Variants in TACC3 observed in about 807,000 individuals in gnomAD.
TACC3 encodes the protein transforming acidic coiled-coil-containing protein 3.
Under a neutral mutation model 86.0 loss-of-function variants are expected in TACC3, and 52 were observed. That is an observed-to-expected ratio of 0.60 (90% confidence interval 0.48 to 0.76). The LOEUF is 0.76. Among genes scored for constraint, TACC3 ranks in the 30% least tolerant of loss-of-function variants. TACC3 has a pLI of 0.00. For synonymous variants in TACC3, 512 were observed against 430.0 expected, an observed-to-expected ratio of 1.19 and a Z score of -2.36; for missense variants, 1,120 against 1,070.4, an observed-to-expected ratio of 1.05 and a Z score of -0.65.
rs538090623 is a variant in TACC3 at position 1,744,935 on chromosome 4, C to G, written c.2452-13C>G. On this transcript the variant is annotated splice_polypyrimidine_tract_variant and intron_variant, in intron 15 of 15. Coordinates refer to ENST00000313288, the MANE Select transcript of TACC3 (RefSeq NM_006342.3). The stretch of plus-strand genomic sequence containing the variant: ...AGCAGGGAGAAGCCCCGCAACTCAT[C>G]TTCCTCCTCCAGACTAAAGAGAACG... 6.2e-7 allele frequency: 1 copy of G among 1,611,978 alleles called. No homozygotes were observed. Among genetic ancestry groups the G allele is most frequent in the Admixed American group, 1.7e-5 (1 of 59,838 alleles).
Position 1,740,008 on chromosome 4 carries a change from TGCCC to T in TACC3, c.2062+8_2062+11del. On this transcript the variant is annotated splice_region_variant and intron_variant, in intron 12 of 15. Transcript: ENST00000313288. ...GGTTGTGTACCAGGCCATGGGTGAG[TGCCC>T]GGGCCACCGAGGCCACGTGCCTCCA... The T allele has an allele frequency of 6.2e-7, 1 of 1,612,792 alleles. No homozygotes were observed. The highest frequency in any genetic ancestry group is 8.5e-7 in the Non-Finnish European group (1 of 1,179,936).
chr4:1,739,186 T>C (rs893064989), intron 10 of TACC3, among the ~76,000 whole-genome samples: 3 of 152,050 alleles, frequency 2.0e-5, no homozygotes, highest in African/African-American at 7.2e-5. Context: ...TGGGCACCTG[T>C]AGTCCCACCT....
At chr4:1,734,269 C>G (rs1182506015) in intron 6 of TACC3, among the ~76,000 whole-genome samples, 2 of 152,030 alleles carry the variant, frequency 1.3e-5, no homozygotes, top group African/African-American at 4.8e-5. Context: ...CTTGTTGCAA[C>G]CTCCGCCTCC....
chr4:1,733,892 C>T (rs1353771116), intron 6 of TACC3, among the ~76,000 whole-genome samples: 5 of 151,508 alleles, frequency 3.3e-5, no homozygotes, highest in African/African-American at 9.7e-5. Context: ...GCGGGAGAAT[C>T]GCTTGAACCC....
intron 13 of TACC3, 99 bp downstream of exon 13, chr4:1,741,085 TG>T: frequency 8.1e-7 from 1 of 1,241,458 alleles, no homozygotes; most frequent in Non-Finnish European, 1.1e-6. Context: ...CCTTGGTCCT[TG>T]GCCAAGCCTC....
intron 13 of TACC3, chr4:1,741,938 C>CGG: frequency 6.6e-6 from 1 of 152,222 alleles, no homozygotes; most frequent in Non-Finnish European, 1.5e-5. Flanking sequence ...AAAATCAGAC[C>CGG]CGTTATTAGA....
intron 1 of TACC3, among the ~76,000 whole-genome samples, chr4:1,722,864 A>G (rs182785637): frequency 6.6e-6 from 1 of 152,156 alleles, no homozygotes; most frequent in African/African-American, 2.4e-5. Context: ...TTGTTTGCGC[A>G]TCGTCTCCCA....
At chr4:1,727,568 G>T in intron 3 of TACC3, 140 bp from the exon 4 acceptor site, 1 of 1,360,212 alleles carries the variant, frequency 7.4e-7, no homozygotes, top group Non-Finnish European at 1.0e-6. Flanking sequence ...GGTGGGGGGT[G>T]GAGAACGGGA....
chr4:1,729,398 C>A (rs1039876403), intron 4 of TACC3, among the ~76,000 whole-genome samples: 5 of 152,014 alleles, frequency 3.3e-5, no homozygotes, highest in African/African-American at 1.2e-4. Flanking sequence ...CACCAAGGCA[C>A]GGAGATCGGT....
chr4:1,740,149 T>C, intron 12 of TACC3, 147 bp downstream of exon 12: 2 of 762,096 alleles, frequency 2.6e-6, no homozygotes, highest in Admixed American at 2.7e-5. Context: ...GGCCCGGCCG[T>C]GGAAGCACTG....
In TACC3 at chr4:1,735,906, C is replaced by T; in HGVS notation, c.1748+72C>T. ...AGACTGGAGGCTGTTCCTAGGTGTG[C>T]TGTCTGCACAGAGGCTTCTAGACCG... On this transcript the variant is annotated intron_variant, in intron 8 of 15. Transcript: ENST00000313288. The surrounding 1 kb of genome is among the most constrained non-coding windows in gnomAD (Gnocchi z 4.2). The T allele has an allele frequency of 9.0e-6, 10 of 1,106,134 alleles. No homozygotes were observed. Among genetic ancestry groups the T allele is most frequent in the Non-Finnish European group, 1.2e-5 (9 of 756,702 alleles). The allele number at this position is 1,106,134 out of a possible 1,614,324, so 68.5% of individuals were successfully genotyped here. A position where few individuals can be genotyped will look rare whatever the true frequency, so the allele number is the denominator to read the frequency against.
At chr4:1,727,563 G>C (rs1040933931) in intron 3 of TACC3, 145 bp from the exon 4 acceptor site, 140 of 1,309,692 alleles carry the variant, frequency 1.1e-4, no homozygotes, top group Middle Eastern at 2.0e-4. Flanking sequence ...ACTGAGGTGG[G>C]GGGTGGAGAA....
intron 13 of TACC3, among the ~76,000 whole-genome samples, chr4:1,743,153 T>G (rs950182865): frequency 6.6e-6 from 1 of 150,478 alleles, no homozygotes; most frequent in Non-Finnish European, 1.5e-5. Context: ...TCCCAGCTAC[T>G]TGGGAGGCTG....
rs1718787723 is a variant in TACC3 at position 1,745,093 on chromosome 4, TTC to T, written c.*82_*83del. 3 of 1,431,244 alleles carry T rather than the reference TTC, an allele frequency of 2.1e-6. No individual in the cohort carries two copies. The highest frequency in any genetic ancestry group is 1.9e-6 in the Non-Finnish European group (2 of 1,054,578). The allele number at this position is 1,431,244 out of a possible 1,614,324, so 88.7% of individuals were successfully genotyped here. ...ATTCTCTTAGGTGTCATGTTCTTTT[TTC>T]TGTCTTGTCTTCAACTTTTTTAAAA... is the stretch of plus-strand genomic sequence containing the variant. On this transcript the variant is annotated 3_prime_UTR_variant, in exon 16 of 16. Transcript: ENST00000313288.
rs770583057 is a variant in TACC3 at position 1,723,443 on chromosome 4, G to A, written c.22G>A (p.Asp8Asn). Residue 8 changes from aspartate to asparagine, a missense_variant, in exon 2 of 16, where the codon GAC (aspartate) becomes AAC (asparagine). By Grantham distance (23) the Asp-to-Asn change is conservative. Coordinates refer to ENST00000313288, the MANE Select transcript of TACC3 (RefSeq NM_006342.3). Reference sequence around the variant, plus strand: ...CAGAATGAGTCTGCAGGTCTTAAACGACAAAAATGTCAGCAATGAAAAAAA... The same window carrying A: ...CAGAATGAGTCTGCAGGTCTTAAACAACAAAAATGTCAGCAATGAAAAAAA... MSLQVLN[D>N]KNVSNEKNTE... The A allele has an allele frequency of 5.0e-6, 8 of 1,613,232 alleles. No individual in the cohort carries two copies. The highest frequency in any genetic ancestry group is 1.3e-5 in the African/African-American group (1 of 74,932).
chr4:1,737,514 G>A (rs1316330731), intron 9 of TACC3, 84 bp from the exon 10 acceptor site: 21 of 1,224,812 alleles, frequency 1.7e-5, no homozygotes, highest in South Asian at 1.5e-4. Context: ...CTCTTGGCCT[G>A]TGTGGGCCTT....
intron 13 of TACC3, among the ~76,000 whole-genome samples, chr4:1,742,752 T>C (rs1472842237): frequency 1.3e-5 from 2 of 151,154 alleles, no homozygotes; most frequent in African/African-American, 4.9e-5. Flanking sequence ...TGAGCCAAGA[T>C]CGTGCCACTG....
In TACC3 at chr4:1,728,731, G is replaced by T. The variant is rs748068710; in HGVS notation, c.1329G>T (p.Ala443=). 4.3e-6 allele frequency: 7 copies of T among 1,612,882 alleles called. No homozygotes were observed. The African/African-American group carries it at 8.0e-5, about 18-fold the overall frequency. The stretch of plus-strand genomic sequence containing the variant: ...CTGAGACCAGGCTGGGCCAGCCAGC[G>T]GCTGAACAGTTGCATGCTGGGCCTG... The part of the protein sequence containing the change: ...ESPETRLGQP[A]AEQLHAGPAT... Residue 443 remains alanine (A), a synonymous_variant, in exon 4 of 16, where the codon GCG becomes GCT. Transcript: ENST00000313288.
At position 1,739,989 on chromosome 4, in the gene TACC3, G is replaced by A. The variant is rs1190813146; in HGVS notation, c.2049G>A (p.Val683=). ...GKIMDRFEEV[V]YQAMEEVQKQ... ...TCATGGACAGGTTCGAAGAGGTTGT[G>A]TACCAGGCCATGGGTGAGTGCCCGG... The change falls in exon 12 of 16, where the codon GTG becomes GTA. Residue 683 remains valine, a synonymous_variant. Transcript: ENST00000313288. 1.4e-5 allele frequency: 23 copies of A among 1,613,072 alleles called. No homozygotes were observed. The highest frequency in any genetic ancestry group is 1.9e-5 in the Non-Finnish European group (22 of 1,180,006).
Sources: allele counts gnomAD v4.1 joint callset (sites outside exome capture counted in the v4.1 genomes callset), GRCh38; gene constraint gnomAD v4.1.1; non-coding constraint Gnocchi (gnomAD v3.1); transcripts MANE v1.5; gene names NCBI Gene and HGNC (gene_info 2026-07-23, HGNC 2026-07-21).